The following RFX3 variants were observed in gnomAD, a reference collection of about 807,000 sequenced individuals.
The protein encoded by RFX3 is regulatory factor X3, also known as transcription factor RFX3.
In RFX3, 14 loss-of-function variants were observed where a neutral mutation model predicts 98.6. That is an observed-to-expected ratio of 0.14 (90% CI 0.09 to 0.22). The LOEUF is 0.22. Ranked by LOEUF, RFX3 falls within the 10% of genes least tolerant of loss-of-function variation. The pLI is 1.00. For missense variants in RFX3, 639 were observed against 926.9 expected (o/e 0.69, Z 4.03); for synonymous variants, 383 against 328.4 (o/e 1.17, Z -1.80).
chr9:3,307,213 A>G (rs1436993387), intron 4 of RFX3, among the ~76,000 whole-genome samples: 3 of 152,208 alleles, frequency 2.0e-5, no homozygotes, highest in East Asian at 1.9e-4. Flanking sequence ...AGTCTCGTGT[A>G]TGTCTTTTTC....
chr9:3,505,995 C>T lies in RFX3; in HGVS notation c.-9+19752G>A, dbSNP rs965129545. The stretch of plus-strand genomic sequence containing the variant: ...CCCCTACTTTATGTGCCAATATTTG[C>T]TCAAGAAATGAATGAAATAATTTTT... On this transcript the variant is annotated intron_variant, in intron 1 of 16. Coordinates refer to ENST00000617270, the MANE Select transcript of RFX3 (RefSeq NM_001282116.2). Among the ~76,000 whole-genome samples the T allele has an allele frequency of 5.3e-5, 8 of 151,650 alleles. No homozygotes were observed. The East Asian group carries it at 9.7e-4, about 18-fold the overall frequency.
chr9:3,480,668 T>A (rs1849671227), intron 1 of RFX3, among the ~76,000 whole-genome samples: 1 of 152,310 alleles, frequency 6.6e-6, no homozygotes, highest in Middle Eastern at 3.4e-3. Flanking sequence ...TGAGAGTCAA[T>A]CTACGTTCAC....
At chr9:3,229,286 G>T (rs1392958191) in intron 15 of RFX3, among the ~76,000 whole-genome samples, 1 of 152,198 alleles carries the variant, frequency 6.6e-6, no homozygotes, top group Non-Finnish European at 1.5e-5. Flanking sequence ...TGGCAGATGA[G>T]TCCACCTGGA....
chr9:3,282,704 G>A (rs1826067537), intron 7 of RFX3, among the ~76,000 whole-genome samples: 2 of 151,740 alleles, frequency 1.3e-5, no homozygotes, highest in Non-Finnish European at 3.0e-5. Flanking sequence ...CTACAAGTAT[G>A]CATGACACTT....
intron 1 of RFX3, among the ~76,000 whole-genome samples, chr9:3,414,298 T>C (rs899209769): frequency 1.3e-5 from 2 of 152,080 alleles, no homozygotes; most frequent in African/African-American, 2.4e-5. Context: ...AAAATTTGTG[T>C]TCCATATTTG....
chr9:3,288,149 G>C lies in RFX3; in HGVS notation c.833C>G (p.Pro278Arg). 6.2e-7 allele frequency: 1 copy of C among 1,612,732 alleles called. No homozygotes were observed. The highest frequency in any genetic ancestry group is 2.2e-5 in the East Asian group (1 of 44,806). ...AGTCTACCTTTGTTTCTGTTGCATGGGTTGTTGTCTCATAGCCATATACTG... is the reference window on the plus strand; with the variant it reads ...AGTCTACCTTTGTTTCTGTTGCATGCGTTGTTGTCTCATAGCCATATACTG... ...DMQYMAMRQQPMQQKQRYKPM... is the reference protein window; with the variant it reads ...DMQYMAMRQQRMQQKQRYKPM... The change falls in exon 7 of 17, where the codon CCC becomes CGC. Residue 278 changes from proline (P) to arginine (R), a missense_variant. By Grantham distance (103) the Pro-to-Arg change is moderately radical. Coordinates refer to ENST00000617270, the MANE Select transcript of RFX3 (RefSeq NM_001282116.2).
intron 4 of RFX3, among the ~76,000 whole-genome samples, chr9:3,301,857 T>G (rs1255394496): frequency 6.6e-6 from 1 of 151,878 alleles, no homozygotes; most frequent in Non-Finnish European, 1.5e-5. Flanking sequence ...ATTCCATAAT[T>G]ATAATCAGAA....
intron 1 of RFX3, among the ~76,000 whole-genome samples, chr9:3,412,367 T>C (rs1842533374): frequency 6.6e-6 from 1 of 152,204 alleles, no homozygotes; most frequent in Admixed American, 6.5e-5. Flanking sequence ...ATAAGGAATG[T>C]TATGAATTAT....
At chr9:3,230,487 G>A (rs1818317062) in intron 15 of RFX3, among the ~76,000 whole-genome samples, 1 of 152,102 alleles carries the variant, frequency 6.6e-6, no homozygotes, top group Non-Finnish European at 1.5e-5. Flanking sequence ...CATAGGTCAG[G>A]TCTTTTATAA....
At chr9:3,343,346 C>T (rs1284544116) in intron 3 of RFX3, among the ~76,000 whole-genome samples, 1 of 152,174 alleles carries the variant, frequency 6.6e-6, no homozygotes, top group Non-Finnish European at 1.5e-5. Flanking sequence ...CATTTATTAT[C>T]ACACAGAAGT....
intron 15 of RFX3, among the ~76,000 whole-genome samples, chr9:3,242,329 A>G (rs1820050519): frequency 6.6e-6 from 1 of 152,126 alleles, no homozygotes; most frequent in East Asian, 1.9e-4. Context: ...AATAAGCTTC[A>G]CTCTAAATAA....
intron 15 of RFX3, chr9:3,247,608 C>G: frequency 7.7e-7 from 1 of 1,304,430 alleles, no homozygotes; most frequent in Non-Finnish European, 9.8e-7. Flanking sequence ...TTTTATCCTT[C>G]TAAAATAGAA....
At chr9:3,496,369 T>A (rs1851110717) in intron 1 of RFX3, among the ~76,000 whole-genome samples, 1 of 152,010 alleles carries the variant, frequency 6.6e-6, no homozygotes, top group South Asian at 2.1e-4. Context: ...TATAAAAGTT[T>A]AAAGAATTCT....
intron 1 of RFX3, among the ~76,000 whole-genome samples, chr9:3,506,633 T>C (rs1478392771): frequency 6.6e-6 from 1 of 151,898 alleles, no homozygotes. Context: ...TGTTGGATAC[T>C]AAGAAAATCC....
At chr9:3,392,771 T>C (rs555673261) in intron 2 of RFX3, among the ~76,000 whole-genome samples, 23 of 152,148 alleles carry the variant, frequency 1.5e-4, no homozygotes, top group African/African-American at 3.6e-4. Flanking sequence ...AGAAATCAGA[T>C]TGGTGTTTGG....
intron 1 of RFX3, among the ~76,000 whole-genome samples, chr9:3,492,108 CA>C (rs964505469): frequency 6.6e-6 from 1 of 152,136 alleles, no homozygotes; most frequent in African/African-American, 2.4e-5. Context: ...AGATGCTTGG[CA>C]ATGTGCTAGA....
At chr9:3,493,716 T>C (rs1587853743) in intron 1 of RFX3, among the ~76,000 whole-genome samples, 1 of 143,776 alleles carries the variant, frequency 7.0e-6, no homozygotes, top group East Asian at 2.0e-4. Flanking sequence ...TATATATATA[T>C]ATATATATAT....
intron 14 of RFX3, among the ~76,000 whole-genome samples, chr9:3,252,806 A>T (rs914713858): frequency 9.2e-5 from 14 of 152,192 alleles, no homozygotes; most frequent in African/African-American, 3.4e-4. Context: ...GTTTAAAAAA[A>T]AATTTATTGA....
At chr9:3,424,562 G>T (rs1033416778) in intron 1 of RFX3, among the ~76,000 whole-genome samples, 8 of 151,292 alleles carry the variant, frequency 5.3e-5, no homozygotes, top group South Asian at 4.2e-4. Context: ...GGGCTTCACC[G>T]TGTTAGCCGG....
Sources: allele counts gnomAD v4.1 joint callset (sites outside exome capture counted in the v4.1 genomes callset), GRCh38; gene constraint gnomAD v4.1.1; transcripts MANE v1.5; gene names NCBI Gene and HGNC (gene_info 2026-07-23, HGNC 2026-07-21).